Variants in FAF1 observed in about 807,000 individuals in gnomAD.
FAF1 encodes Fas associated factor 1.
A neutral mutation model predicts 92.5 loss-of-function variants in FAF1; 25 were observed. The observed-to-expected ratio is 0.27, with a 90% CI of 0.20 to 0.38. The LOEUF (loss-of-function observed/expected upper bound fraction) is 0.38, where lower values mean the gene tolerates loss of function less well. Among genes scored for constraint, FAF1 ranks in the 10% least tolerant of loss-of-function variants. The probability of loss-of-function intolerance (pLI) is 1.00; values close to 1 mark genes in which losing one functional copy is unlikely to be tolerated. For synonymous variants in FAF1, 234 were observed against 273.2 expected (o/e 0.86, Z 1.42); for missense variants, 636 against 793.3 (o/e 0.80, Z 2.38).
intron 13 of FAF1, among the ~76,000 whole-genome samples, chr1:50,545,620 CCTGTCAGATTAGTAAAGAAAAAAAA>C (rs1380745836): frequency 6.6e-6 from 1 of 151,514 alleles, no homozygotes; most frequent in Admixed American, 6.6e-5. Context: ...ACATTTTTCA[CCTGTCAGATTAGTAAAGAAAAAAAA>C]CTGGCTTTGG....
At chr1:50,951,773 A>G (rs1474163994) in intron 1 of FAF1, among the ~76,000 whole-genome samples, 1 of 152,242 alleles carries the variant, frequency 6.6e-6, no homozygotes, top group Admixed American at 6.5e-5. Flanking sequence ...ATGATGTTCC[A>G]TGGATACTTA....
At chr1:50,689,167 TA>T (rs1261111456) in intron 7 of FAF1, among the ~76,000 whole-genome samples, 2 of 152,234 alleles carry the variant, frequency 1.3e-5, no homozygotes, top group Admixed American at 1.3e-4. Context: ...TAAAAATGGT[TA>T]AAATGCTAAA....
intron 7 of FAF1, among the ~76,000 whole-genome samples, chr1:50,703,334 GA>G (rs1488242007): frequency 1.3e-5 from 2 of 152,198 alleles, no homozygotes; most frequent in East Asian, 3.9e-4. Context: ...TGTCATTGTG[GA>G]TTGAATAGCT....
intron 13 of FAF1, among the ~76,000 whole-genome samples, chr1:50,562,177 T>C (rs1379594815): frequency 6.6e-6 from 1 of 152,196 alleles, no homozygotes; most frequent in African/African-American, 2.4e-5. Context: ...CTAACAATAT[T>C]TTTATTAGTT....
At chr1:50,634,406 G>A (rs1190744179) in intron 8 of FAF1, among the ~76,000 whole-genome samples, 1 of 152,180 alleles carries the variant, frequency 6.6e-6, no homozygotes, top group Non-Finnish European at 1.5e-5. Flanking sequence ...TATTTCCATT[G>A]CTCAAGAAAA....
chr1:50,783,107 C>T lies in FAF1; in HGVS notation c.367+4893G>A, dbSNP rs139104256. ...AATCATATGCCAACAAATTAGATAA[C>T]ATAGAAGAAATGGATAAATTCCTAG... On this transcript the variant is annotated intron_variant, in intron 4 of 18. Coordinates refer to ENST00000396153, the MANE Select transcript of FAF1 (RefSeq NM_007051.3). 8.6e-5 allele frequency among the ~76,000 whole-genome samples: 13 copies of T among 151,904 alleles called. No individual in the cohort carries two copies. The East Asian group carries it at 2.3e-3, about 27-fold the overall frequency.
At chr1:50,897,715 A>G (rs1233248297) in intron 1 of FAF1, among the ~76,000 whole-genome samples, 7 of 152,216 alleles carry the variant, frequency 4.6e-5, no homozygotes, top group African/African-American at 1.7e-4. Flanking sequence ...CATCCATACC[A>G]TTCAACTCTA....
At chr1:50,640,515 C>T (rs1186863288) in intron 8 of FAF1, among the ~76,000 whole-genome samples, 1 of 151,886 alleles carries the variant, frequency 6.6e-6, no homozygotes, top group Non-Finnish European at 1.5e-5. Flanking sequence ...AGGATGGTCT[C>T]GATCTCCTGA....
intron 8 of FAF1, among the ~76,000 whole-genome samples, chr1:50,597,404 GA>G (rs971593289): frequency 4.2e-5 from 6 of 141,604 alleles, no homozygotes; most frequent in African/African-American, 5.2e-5. Flanking sequence ...CAACCAAAAA[GA>G]AAAAAAAAAG....
intron 13 of FAF1, among the ~76,000 whole-genome samples, chr1:50,558,874 G>A (rs995360137): frequency 2.0e-5 from 3 of 152,182 alleles, no homozygotes; most frequent in Admixed American, 2.0e-4. Context: ...TACTAGGTAG[G>A]AGTGTAGGAA....
rs538951297 is a variant in FAF1, at chr1:50,786,131, C to CAA, written c.367+1867_367+1868dup. Among the ~76,000 whole-genome samples, 138 of 130,066 alleles carry CAA rather than the reference C, an allele frequency of 1.1e-3. 1 individual carries two copies. The highest frequency in any genetic ancestry group is 2.1e-3 in the African/African-American group (73 of 34,260). The allele number at this position is 130,066 out of a possible 152,430, so 85.3% of individuals were successfully genotyped here. A position where few individuals can be genotyped will look rare whatever the true frequency, so the allele number is the denominator to read the frequency against. ...TGGGTGACAGTGTGAGACCCTGTCT[C>CAA]AAAAAAAAAAAAAAATCACATTCTC... On this transcript the variant is annotated intron_variant, in intron 4 of 18. Transcript: ENST00000396153.
At chr1:50,679,804 T>C (rs1458255381) in intron 7 of FAF1, among the ~76,000 whole-genome samples, 1 of 152,236 alleles carries the variant, frequency 6.6e-6, no homozygotes, top group Non-Finnish European at 1.5e-5. Flanking sequence ...ATGCAAATAC[T>C]AAAACATAAA....
chr1:50,552,507 T>C (rs988438804), intron 13 of FAF1, among the ~76,000 whole-genome samples: 3 of 152,144 alleles, frequency 2.0e-5, no homozygotes, highest in African/African-American at 4.8e-5. Context: ...GTGGAAAAGA[T>C]TGATATAACT....
chr1:50,735,816 G>A (rs1030758060), intron 6 of FAF1, among the ~76,000 whole-genome samples: 3 of 151,972 alleles, frequency 2.0e-5, no homozygotes, highest in African/African-American at 4.8e-5. Context: ...TCTTGGGCTC[G>A]AGCAATTCTC....
chr1:50,711,402 T>TAA (rs1184683673), intron 6 of FAF1, among the ~76,000 whole-genome samples: 1 of 151,384 alleles, frequency 6.6e-6, no homozygotes, highest in Non-Finnish European at 1.5e-5. Context: ...TCATACAGAA[T>TAA]AAAACCTTGT....
At chr1:50,706,060 C>T (rs1034647526) in intron 6 of FAF1, 169 bp from the exon 7 acceptor site, 4 of 530,002 alleles carry the variant, frequency 7.5e-6, no homozygotes, top group African/African-American at 7.5e-5. Context: ...CTGAGAACAA[C>T]CAAGGGGAGC....
At chr1:50,802,827 C>A (rs939783209) in intron 2 of FAF1, among the ~76,000 whole-genome samples, 3 of 152,174 alleles carry the variant, frequency 2.0e-5, no homozygotes, top group African/African-American at 7.2e-5. Context: ...CCTACCAATT[C>A]AATGTTTTAT....
At chr1:50,690,890 C>T (rs1460986068) in intron 7 of FAF1, among the ~76,000 whole-genome samples, 1 of 152,108 alleles carries the variant, frequency 6.6e-6, no homozygotes, top group Non-Finnish European at 1.5e-5. Context: ...GGTTCATTAA[C>T]ATTGTCATAT....
intron 1 of FAF1, among the ~76,000 whole-genome samples, chr1:50,864,175 T>C (rs1405429127): frequency 6.6e-6 from 1 of 151,026 alleles, no homozygotes; most frequent in East Asian, 1.9e-4. Flanking sequence ...CATTAATTTT[T>C]TGAAGGGTTT....
Sources: gnomAD v4.1 joint callset for allele counts (sites outside exome capture counted in the v4.1 genomes callset) on GRCh38, gnomAD v4.1.1 for gene constraint, MANE v1.5 for transcripts, NCBI Gene and HGNC (gene_info 2026-07-23, HGNC 2026-07-21) for gene names.